Variants in KATNIP observed in about 807,000 individuals in gnomAD.
The protein encoded by KATNIP is katanin-interacting protein.
KATNIP carries 126 observed loss-of-function variants against 174.0 expected under a neutral mutation model. That is an observed-to-expected ratio of 0.72 (90% CI 0.63 to 0.84). The LOEUF (loss-of-function observed/expected upper bound fraction) is 0.84. Ranked by LOEUF, KATNIP falls within the 40% of genes least tolerant of loss-of-function variation. KATNIP has a pLI of 0.00. For synonymous variants in KATNIP, 810 were observed against 835.7 expected (o/e 0.97, Z 0.53); for missense variants, 1,958 against 2,109.7 (o/e 0.93, Z 1.41).
At chr16:27,565,480 A>AT (rs1315805636) in intron 1 of KATNIP, among the ~76,000 whole-genome samples, 6 of 151,038 alleles carry the variant, frequency 4.0e-5, no homozygotes, top group Non-Finnish European at 5.9e-5. Flanking sequence ...AAAAAAAAAA[A>AT]GGAAAGAAAA....
intron 5 of KATNIP, among the ~76,000 whole-genome samples, chr16:27,641,199 A>T (rs2076785194): frequency 2.0e-5 from 3 of 151,576 alleles, no homozygotes; most frequent in African/African-American, 7.3e-5. Flanking sequence ...GCTCTCTTTC[A>T]TGCTTTCAGT....
intron 6 of KATNIP, chr16:27,669,279 G>A: frequency 2.0e-6 from 2 of 985,318 alleles, no homozygotes; most frequent in Non-Finnish European, 2.4e-6. Flanking sequence ...CTACCTTTAA[G>A]TCTTTGTATC....
chr16:27,691,153 G>A (rs2078718892), intron 8 of KATNIP, among the ~76,000 whole-genome samples: 1 of 152,290 alleles, frequency 6.6e-6, no homozygotes, highest in Admixed American at 6.5e-5. Flanking sequence ...TAATTTTGCT[G>A]AGACTCTGAA....
At chr16:27,708,396 G>GA (rs2079418875) in intron 12 of KATNIP, 1 of 285,744 alleles carries the variant, frequency 3.5e-6, no homozygotes, top group South Asian at 5.4e-5. Flanking sequence ...AGTAGTGGGG[G>GA]AGAGACGTGC....
chr16:27,616,429 T>C (rs949128756), intron 2 of KATNIP, among the ~76,000 whole-genome samples: 9 of 151,826 alleles, frequency 5.9e-5, no homozygotes, highest in Non-Finnish European at 1.3e-4. Context: ...TATTTTTGTT[T>C]AAAAGAGTAC....
intron 2 of KATNIP, among the ~76,000 whole-genome samples, chr16:27,608,316 G>A (rs1284999564): frequency 7.1e-6 from 1 of 140,686 alleles, no homozygotes; most frequent in Non-Finnish European, 1.5e-5. Flanking sequence ...CTGCAGCCTC[G>A]ACCTCCTGGA....
At chr16:27,664,317 A>G (rs1046810259) in intron 6 of KATNIP, among the ~76,000 whole-genome samples, 7 of 152,194 alleles carry the variant, frequency 4.6e-5, no homozygotes, top group African/African-American at 1.4e-4. Context: ...GATGATTTTT[A>G]TGAATGTTCT....
chr16:27,670,175 A>G (rs970594325), intron 6 of KATNIP, among the ~76,000 whole-genome samples: 4 of 152,208 alleles, frequency 2.6e-5, no homozygotes, highest in Non-Finnish European at 5.9e-5. Context: ...CCATTTTTAA[A>G]AAACTCTAGT....
At chr16:27,617,422 C>T (rs1356169903) in intron 2 of KATNIP, among the ~76,000 whole-genome samples, 1 of 152,184 alleles carries the variant, frequency 6.6e-6, no homozygotes. Flanking sequence ...GGGGCTGACT[C>T]GGGTCATGGT....
intron 12 of KATNIP, among the ~76,000 whole-genome samples, chr16:27,704,806 G>A (rs1386424612): frequency 6.6e-6 from 1 of 152,066 alleles, no homozygotes; most frequent in East Asian, 1.9e-4. Context: ...GTGGCCATAT[G>A]AGTGTGTTGA....
chr16:27,742,449 T>G (rs1188127823), intron 15 of KATNIP, among the ~76,000 whole-genome samples: 1 of 152,196 alleles, frequency 6.6e-6, no homozygotes, highest in Non-Finnish European at 1.5e-5. Flanking sequence ...GAGGTCCTTT[T>G]CCATCCACAG....
At chr16:27,761,318 T>C in intron 18 of KATNIP, 95 bp from the exon 19 acceptor site, 1 of 1,316,282 alleles carries the variant, frequency 7.6e-7, no homozygotes, top group Non-Finnish European at 1.0e-6. Flanking sequence ...GTTGCTAGAA[T>C]ATAGAGGCCG....
intron 15 of KATNIP, among the ~76,000 whole-genome samples, chr16:27,743,006 C>G (rs1322713121): frequency 6.6e-6 from 1 of 152,160 alleles, no homozygotes. Context: ...TGCTCTCCCT[C>G]CTCCCACTAC....
chr16:27,772,051 T>C (rs543145760), intron 22 of KATNIP, among the ~76,000 whole-genome samples: 2 of 152,098 alleles, frequency 1.3e-5, no homozygotes, highest in Non-Finnish European at 2.9e-5. Flanking sequence ...CCAAGGAGGT[T>C]GGATTGCTTG....
intron 8 of KATNIP, among the ~76,000 whole-genome samples, chr16:27,683,208 G>T: frequency 6.6e-6 from 1 of 152,214 alleles, no homozygotes; most frequent in Non-Finnish European, 1.5e-5. Flanking sequence ...GCAGTACCAA[G>T]ACCCCTGTCC....
At position 27,681,475 on chromosome 16, in the gene KATNIP, A is replaced by T. The variant is rs201928592; in HGVS notation, c.885A>T (p.Pro295=). 1 of 1,614,226 alleles carries T rather than the reference A, an allele frequency of 6.2e-7. No individual in the cohort carries two copies. Among genetic ancestry groups the T allele is most frequent in the Non-Finnish European group, 8.5e-7 (1 of 1,180,036 alleles). Reference sequence around the variant, plus strand: ...TTTTCGTTCCCACCAAACCTGAGCCAAACCTGACTCCCCAAGCTCCTGCTG... The same window carrying T: ...TTTTCGTTCCCACCAAACCTGAGCCTAACCTGACTCCCCAAGCTCCTGCTG... ...AEVFVPTKPE[P]NLTPQAPAVF... Residue 295 remains proline (P), a synonymous_variant, in exon 8 of 28, where the codon CCA becomes CCT. Transcript: ENST00000261588.
At chr16:27,754,353 G>A (rs895878838) in intron 18 of KATNIP, 102 bp downstream of exon 18, 1 of 965,688 alleles carries the variant, frequency 1.0e-6, no homozygotes, top group Non-Finnish European at 1.6e-6. Flanking sequence ...CAATCGGGTG[G>A]GTTGGACACT....
chr16:27,605,582 G>A (rs755705473), intron 2 of KATNIP, among the ~76,000 whole-genome samples: 5 of 152,084 alleles, frequency 3.3e-5, no homozygotes, highest in Non-Finnish European at 5.9e-5. Flanking sequence ...TAGCCCAAAC[G>A]CTCCCTTTGA....
chr16:27,670,293 A>C (rs2077848738), intron 6 of KATNIP, among the ~76,000 whole-genome samples: 1 of 152,218 alleles, frequency 6.6e-6, no homozygotes, highest in South Asian at 2.1e-4. Flanking sequence ...GCTTAGGTTT[A>C]TAGCATTGCA....
Sources: gnomAD v4.1 joint callset for allele counts (sites outside exome capture counted in the v4.1 genomes callset) on GRCh38, gnomAD v4.1.1 for gene constraint, MANE v1.5 for transcripts, NCBI Gene and HGNC (gene_info 2026-07-23, HGNC 2026-07-21) for gene names.